MDGA2: variants seen among roughly 807,000 people sequenced by gnomAD.
MDGA2 encodes the protein MAM domain-containing glycosylphosphatidylinositol anchor protein 2.
In MDGA2, 40 loss-of-function variants were observed where a neutral mutation model predicts 117.8. That is an observed-to-expected ratio of 0.34 (90% confidence interval 0.26 to 0.44). The LOEUF is 0.44. MDGA2 is among the 20% of genes least tolerant of loss of function. MDGA2 has a pLI of 1.00. For synonymous variants in MDGA2, 452 were observed against 439.0 expected, an observed-to-expected ratio of 1.03 and a Z score of -0.37; for missense variants, 1,123 against 1,250.6, an observed-to-expected ratio of 0.90 and a Z score of 1.54.
At chr14:47,082,228 C>T (rs1890732638) in intron 6 of MDGA2, among the ~76,000 whole-genome samples, 1 of 151,238 alleles carries the variant, frequency 6.6e-6, no homozygotes. Flanking sequence ...TCAACACTCC[C>T]ATAGAGAAAA....
chr14:47,642,163 C>A (rs912251593), intron 1 of MDGA2, among the ~76,000 whole-genome samples: 9 of 152,044 alleles, frequency 5.9e-5, no homozygotes, highest in African/African-American at 1.7e-4. Context: ...GGAGACAGCT[C>A]TGCCACTTGT....
intron 1 of MDGA2, among the ~76,000 whole-genome samples, chr14:47,606,775 C>A (rs1896751009): frequency 6.6e-6 from 1 of 152,166 alleles, no homozygotes; most frequent in Admixed American, 6.6e-5. Context: ...AGTCAGAAAG[C>A]ATGCATCTTC....
At chr14:47,108,194 C>T (rs1171905116) in intron 5 of MDGA2, among the ~76,000 whole-genome samples, 2 of 152,272 alleles carry the variant, frequency 1.3e-5, no homozygotes, top group Non-Finnish European at 2.9e-5. Context: ...CAGGCCTGTC[C>T]TCGGAATGCT....
chr14:46,929,580 C>CGTGTGTGTGTGTGTGT lies in MDGA2; in HGVS notation c.2090-9436_2090-9421dup, dbSNP rs375013114. ...AATGTATATATATCAAGTATATATA[C>CGTGTGTGTGTGTGTGT]GTGTGTGTGTGTGTGTGTGTGTATA... On this transcript the variant is annotated intron_variant, in intron 9 of 16. Coordinates refer to ENST00000399232, the MANE Select transcript of MDGA2 (RefSeq NM_001113498.3). 8.9e-3 allele frequency among the ~76,000 whole-genome samples: 293 copies of CGTGTGTGTGTGTGTGT among 32,984 alleles called. 20 individuals are homozygous for CGTGTGTGTGTGTGTGT. The highest frequency in any genetic ancestry group is 0.037 in the African/African-American group (279 of 7,570). 21.6% of individuals were successfully genotyped at this position (32,984 alleles called of 152,430 possible). A position where few individuals can be genotyped will look rare whatever the true frequency, so the allele number is the denominator to read the frequency against.
chr14:47,039,080 T>C (rs534184708), intron 7 of MDGA2, among the ~76,000 whole-genome samples: 147 of 152,328 alleles, frequency 9.7e-4, no homozygotes, highest in Admixed American at 1.4e-3. Flanking sequence ...CCCCACTAAA[T>C]TTTCTATCTC....
At chr14:46,868,052 G>A (rs1881847865) in intron 14 of MDGA2, among the ~76,000 whole-genome samples, 1 of 151,686 alleles carries the variant, frequency 6.6e-6, no homozygotes, top group Non-Finnish European at 1.5e-5. Flanking sequence ...AATCTAGTTT[G>A]GATCATTCTT....
intron 1 of MDGA2, among the ~76,000 whole-genome samples, chr14:47,636,454 C>T (rs568602462): frequency 6.6e-4 from 101 of 152,134 alleles, no homozygotes; most frequent in Non-Finnish European, 1.3e-3. Flanking sequence ...GCTACATCAA[C>T]TGAAGATATC....
intron 15 of MDGA2, 86 bp from the exon 16 acceptor site, chr14:46,845,957 A>G: frequency 1.1e-6 from 1 of 931,006 alleles, no homozygotes; most frequent in Non-Finnish European, 1.7e-6. Context: ...ACAAAAATAA[A>G]CTTGTCAGTA....
At chr14:46,996,069 T>G (rs1887279883) in intron 8 of MDGA2, among the ~76,000 whole-genome samples, 1 of 152,110 alleles carries the variant, frequency 6.6e-6, no homozygotes, top group South Asian at 2.1e-4. Context: ...TAAGTTTATG[T>G]TAAGAGTTTT....
chr14:47,525,890 T>C (rs1894964227), intron 1 of MDGA2, among the ~76,000 whole-genome samples: 1 of 152,094 alleles, frequency 6.6e-6, no homozygotes, highest in Non-Finnish European at 1.5e-5. Context: ...ATTCTCTTGC[T>C]CTTCACTTTC....
At chr14:47,480,060 T>C (rs1893919944) in intron 1 of MDGA2, among the ~76,000 whole-genome samples, 1 of 139,346 alleles carries the variant, frequency 7.2e-6, no homozygotes, top group Non-Finnish European at 1.6e-5. Context: ...ATATCATAAA[T>C]AATGTGGTTC....
chr14:46,946,520 A>G (rs1358615434), intron 9 of MDGA2, among the ~76,000 whole-genome samples: 1 of 152,118 alleles, frequency 6.6e-6, no homozygotes, highest in African/African-American at 2.4e-5. Flanking sequence ...ACAAGCAGGA[A>G]TAAGTGCTTG....
intron 1 of MDGA2, among the ~76,000 whole-genome samples, chr14:47,379,580 G>A (rs1594826507): frequency 6.6e-6 from 1 of 152,038 alleles, no homozygotes; most frequent in Admixed American, 6.6e-5. Context: ...TCCTAGTCTC[G>A]GATAAAACAG....
intron 8 of MDGA2, among the ~76,000 whole-genome samples, chr14:46,966,449 A>T (rs1886034596): frequency 2.0e-5 from 3 of 152,240 alleles, no homozygotes; most frequent in East Asian, 1.9e-4. Flanking sequence ...TCACACCATC[A>T]TTTAAAATTC....
At chr14:46,847,643 T>C (rs1880894924) in intron 15 of MDGA2, among the ~76,000 whole-genome samples, 3 of 151,960 alleles carry the variant, frequency 2.0e-5, no homozygotes, top group South Asian at 4.1e-4. Flanking sequence ...GTATGAACAT[T>C]TGAGAGAATT....
rs554949376 is a variant in MDGA2 at position 47,580,008 on chromosome 14, A to T, written c.280+94509T>A. Among the ~76,000 whole-genome samples, 451 of 152,188 alleles carry T rather than the reference A, an allele frequency of 3.0e-3. 5 individuals carry two copies. The highest frequency in any genetic ancestry group is 0.011 in the African/African-American group (440 of 41,536). On this transcript the variant is annotated intron_variant, in intron 1 of 16. Coordinates refer to ENST00000399232, the MANE Select transcript of MDGA2 (RefSeq NM_001113498.3). ...AGGAATTATTATTCTTATATTACAG[A>T]TGTGAAAGCAGATCCAAAGAGATTG...
chr14:47,381,752 C>T (rs142899397), intron 1 of MDGA2, among the ~76,000 whole-genome samples: 1 of 151,886 alleles, frequency 6.6e-6, no homozygotes, highest in African/African-American at 2.4e-5. Context: ...CTCATGGGTA[C>T]GAAGAATCAA....
intron 1 of MDGA2, among the ~76,000 whole-genome samples, chr14:47,446,287 A>C (rs923891112): frequency 1.3e-5 from 2 of 152,196 alleles, no homozygotes; most frequent in Non-Finnish European, 2.9e-5. Context: ...ATATTCATAC[A>C]TTGGGAATTA....
chr14:46,871,688 T>C (rs1882004705), intron 14 of MDGA2: 1 of 160,470 alleles, frequency 6.2e-6, no homozygotes. Context: ...TAATTTAACT[T>C]AAACTACAGC....
Sources: allele counts gnomAD v4.1 joint callset (sites outside exome capture counted in the v4.1 genomes callset), GRCh38; gene constraint gnomAD v4.1.1; transcripts MANE v1.5; gene names NCBI Gene and HGNC (gene_info 2026-07-23, HGNC 2026-07-21).